The following GABRB2 variants were observed in gnomAD, a reference collection of about 807,000 sequenced individuals.
The protein encoded by GABRB2 is gamma-aminobutyric acid receptor subunit beta-2.
A neutral mutation model predicts 54.7 loss-of-function variants in GABRB2; 16 were observed. That is an observed-to-expected ratio of 0.29 (90% confidence interval 0.20 to 0.44). GABRB2 has a LOEUF of 0.44. Ranked by LOEUF, GABRB2 falls within the 20% of genes least tolerant of loss-of-function variation. The pLI is 1.00. For missense variants in GABRB2, 355 were observed against 644.0 expected, an observed-to-expected ratio of 0.55 and a Z score of 4.86; for synonymous variants, 244 against 233.8, an observed-to-expected ratio of 1.04 and a Z score of -0.40.
chr5:161,387,500 G>GCC (rs1755682374), intron 5 of GABRB2, among the ~76,000 whole-genome samples: 1 of 152,122 alleles, frequency 6.6e-6, no homozygotes, highest in Non-Finnish European at 1.5e-5. Flanking sequence ...GTCAAACCTA[G>GCC]CCCTCTGGGT....
intron 3 of GABRB2, among the ~76,000 whole-genome samples, chr5:161,462,024 A>C (rs1758131775): frequency 6.6e-6 from 1 of 152,166 alleles, no homozygotes; most frequent in Admixed American, 6.6e-5. Context: ...CATGGGAACA[A>C]CGTAACTCGT....
intron 4 of GABRB2, among the ~76,000 whole-genome samples, chr5:161,454,176 C>T (rs1244361954): frequency 1.3e-5 from 2 of 152,082 alleles, no homozygotes; most frequent in South Asian, 2.1e-4. Context: ...CCATACAACA[C>T]ATTATTAAAT....
At chr5:161,387,027 G>A (rs1333733117) in intron 5 of GABRB2, among the ~76,000 whole-genome samples, 2 of 151,866 alleles carry the variant, frequency 1.3e-5, no homozygotes, top group Admixed American at 1.3e-4. Flanking sequence ...GCTACCTCTG[G>A]GGAACGGGGG....
chr5:161,460,268 A>ATATATATGTGTG (rs1473728574), intron 3 of GABRB2, among the ~76,000 whole-genome samples: 39 of 148,666 alleles, frequency 2.6e-4, no homozygotes, highest in African/African-American at 8.6e-4. Context: ...TTATATATAT[A>ATATATATGTGTG]TGTGTGTGTG....
rs1757167122 is a variant in GABRB2 at position 161,289,223 on chromosome 5, A to T, written c.*4858T>A. The T allele has an allele frequency of 9.7e-6, 1 of 103,358 alleles. No individual in the cohort carries two copies. Among genetic ancestry groups the T allele is most frequent in the Non-Finnish European group, 1.7e-5 (1 of 57,962 alleles). 6.4% of individuals were successfully genotyped at this position (103,358 alleles called of 1,614,324 possible). On this transcript the variant is annotated 3_prime_UTR_variant, in exon 10 of 10. Coordinates refer to ENST00000393959, the MANE Select transcript of GABRB2 (RefSeq NM_001371727.1). Reference sequence around the variant, plus strand: ...TTTCCAAAAACCTAGTAGCTTTTTAAGAGTGCTGCTTTTTTTTTTTTTTTT... The same window carrying T: ...TTTCCAAAAACCTAGTAGCTTTTTATGAGTGCTGCTTTTTTTTTTTTTTTT...
chr5:161,536,259 G>C (rs1339577017), intron 3 of GABRB2, among the ~76,000 whole-genome samples: 1 of 152,112 alleles, frequency 6.6e-6, no homozygotes, highest in Non-Finnish European at 1.5e-5. Flanking sequence ...AGGAGGGGAT[G>C]AGAGGAGAAA....
intron 3 of GABRB2, among the ~76,000 whole-genome samples, chr5:161,508,302 G>GT (rs746008619): frequency 6.0e-5 from 9 of 149,706 alleles, no homozygotes; most frequent in Non-Finnish European, 1.2e-4. Flanking sequence ...ACATAGCAAA[G>GT]TAGATACCAG....
At chr5:161,535,206 G>A (rs959853676) in intron 3 of GABRB2, among the ~76,000 whole-genome samples, 2 of 151,980 alleles carry the variant, frequency 1.3e-5, no homozygotes, top group South Asian at 4.1e-4. Flanking sequence ...TTTATTGCTT[G>A]GTTTAAATTG....
chr5:161,366,457 A>G (rs1253298774), intron 5 of GABRB2, among the ~76,000 whole-genome samples: 2 of 152,174 alleles, frequency 1.3e-5, no homozygotes, highest in African/African-American at 2.4e-5. Flanking sequence ...ATCATTTGAC[A>G]TTATCTGAAC....
chr5:161,427,658 G>A (rs1003405354), intron 4 of GABRB2, among the ~76,000 whole-genome samples: 2 of 152,144 alleles, frequency 1.3e-5, no homozygotes, highest in African/African-American at 4.8e-5. Flanking sequence ...AAAAACTGTA[G>A]GGACTGCTAA....
At chr5:161,319,871 T>A (rs957098685) in intron 9 of GABRB2, among the ~76,000 whole-genome samples, 1 of 151,774 alleles carries the variant, frequency 6.6e-6, no homozygotes, top group Non-Finnish European at 1.5e-5. Context: ...TGGTCGTTTT[T>A]CTTTTCTATT....
chr5:161,348,541 G>C lies in GABRB2; in HGVS notation c.542-11772C>G, dbSNP rs985796793. On this transcript the variant is annotated intron_variant, in intron 5 of 9. Coordinates refer to ENST00000393959, the MANE Select transcript of GABRB2 (RefSeq NM_001371727.1). ...AGTCAAGTCTTGTTTTTGTTATGAA[G>C]AAAGTGTTGACCTCAAGGACATATC... is the stretch of plus-strand genomic sequence containing the variant. Among the ~76,000 whole-genome samples, 62 of 152,142 alleles carry C rather than the reference G, an allele frequency of 4.1e-4. 1 individual carries two copies. Among genetic ancestry groups the C allele is most frequent in the African/African-American group, 1.5e-3 (61 of 41,536 alleles).
intron 5 of GABRB2, among the ~76,000 whole-genome samples, chr5:161,375,688 T>C (rs888082478): frequency 1.3e-5 from 2 of 152,192 alleles, no homozygotes; most frequent in African/African-American, 4.8e-5. Context: ...ATTACTTCAG[T>C]TCTGTAAACC....
intron 3 of GABRB2, among the ~76,000 whole-genome samples, chr5:161,530,634 T>C (rs1012039577): frequency 2.0e-5 from 3 of 152,088 alleles, no homozygotes; most frequent in African/African-American, 7.2e-5. Context: ...GATAAAGCAT[T>C]CCCCCAAATC....
At chr5:161,332,379 G>A (rs1024118954) in intron 7 of GABRB2, among the ~76,000 whole-genome samples, 4 of 152,036 alleles carry the variant, frequency 2.6e-5, no homozygotes, top group African/African-American at 7.2e-5. Flanking sequence ...TATATGGATC[G>A]GACAATTAGG....
At chr5:161,475,533 A>G (rs1758567008) in intron 3 of GABRB2, among the ~76,000 whole-genome samples, 1 of 151,922 alleles carries the variant, frequency 6.6e-6, no homozygotes, top group East Asian at 1.9e-4. Context: ...ACTAGAGACC[A>G]ATATTGAATA....
chr5:161,490,496 C>T (rs550223875), intron 3 of GABRB2, among the ~76,000 whole-genome samples: 4 of 151,666 alleles, frequency 2.6e-5, no homozygotes, highest in African/African-American at 9.6e-5. Context: ...CAGATTGAAC[C>T]CTTATGAGGC....
intron 5 of GABRB2, among the ~76,000 whole-genome samples, chr5:161,351,256 A>C (rs1754462366): frequency 6.6e-6 from 1 of 152,170 alleles, no homozygotes. Flanking sequence ...TTTGAAGAAA[A>C]AAGAGCAAAG....
chr5:161,471,051 TGAGA>T (rs1208550595), intron 3 of GABRB2, among the ~76,000 whole-genome samples: 1 of 152,010 alleles, frequency 6.6e-6, no homozygotes, highest in Admixed American at 6.6e-5. Flanking sequence ...CACTGGCATT[TGAGA>T]GCTAGGTTTC....
Sources: gnomAD v4.1 joint callset for allele counts (sites outside exome capture counted in the v4.1 genomes callset) on GRCh38, gnomAD v4.1.1 for gene constraint, MANE v1.5 for transcripts, NCBI Gene and HGNC (gene_info 2026-07-23, HGNC 2026-07-21) for gene names.